TENM1: variants seen among roughly 807,000 people sequenced by gnomAD.
TENM1 encodes the protein teneurin transmembrane protein 1, also known as teneurin-1.
In TENM1, 35 loss-of-function variants were observed where a neutral mutation model predicts 174.8. That is an observed-to-expected ratio of 0.20 (90% confidence interval 0.15 to 0.27). The LOEUF (loss-of-function observed/expected upper bound fraction) is 0.27, where lower values mean the gene tolerates loss of function less well. Among genes scored for constraint, TENM1 ranks in the 10% least tolerant of loss-of-function variants. The pLI is 1.00. For synonymous variants in TENM1, 781 were observed against 798.7 expected (o/e 0.98, Z 0.37); for missense variants, 1,633 against 2,130.1 (o/e 0.77, Z 4.59).
intron 15 of TENM1, among the ~76,000 whole-genome samples, chrX:124,541,396 T>A (rs1240135434): frequency 8.9e-6 from 1 of 112,071 alleles, no homozygotes; most frequent in Non-Finnish European, 1.9e-5. Context: ...TGAGTTCTCA[T>A]GAGGTCTGGC....
rs150716900 is a variant in TENM1 at position 124,906,742 on chromosome X, T to A, written c.218-10501A>T. On this transcript the variant is annotated intron_variant, in intron 1 of 31. Transcript: ENST00000422452. ...ACTACTGAGACATAAAAAGGAATGA[T>A]CTATTAATATAAATAATATAACGAC... is the stretch of plus-strand genomic sequence containing the variant. Among the ~76,000 whole-genome samples, 481 of 112,141 alleles carry A rather than the reference T, an allele frequency of 4.3e-3. 2 individuals are homozygous for A. Among genetic ancestry groups the A allele is most frequent in the African/African-American group, 0.015 (458 of 30,910 alleles).
the TENM1 span, among the ~76,000 whole-genome samples, chrX:125,073,988 T>C: frequency 8.9e-6 from 1 of 112,136 alleles, no homozygotes; most frequent in Admixed American, 9.4e-5. Flanking sequence ...GAAAAAGTCA[T>C]GATCTTATCA....
At chrX:125,204,293 GGCC>G in the TENM1 span, 1 of 113,882 alleles carries the variant, frequency 8.8e-6, no homozygotes, top group Non-Finnish European at 1.9e-5. Context: ...ATGTTGCCGT[GGCC>G]GCCGCCGCCG....
intron 11 of TENM1, among the ~76,000 whole-genome samples, chrX:124,621,531 T>C (rs1391779883): frequency 8.9e-6 from 1 of 112,341 alleles, no homozygotes; most frequent in Admixed American, 9.5e-5. Flanking sequence ...AATTCATTTA[T>C]GTTTCATACA....
the TENM1 span, among the ~76,000 whole-genome samples, chrX:125,124,653 T>C: frequency 8.9e-6 from 1 of 112,444 alleles, no homozygotes; most frequent in African/African-American, 3.2e-5. Context: ...TGCATATGTA[T>C]ATATTTTCAG....
intron 15 of TENM1, among the ~76,000 whole-genome samples, chrX:124,542,241 A>C (rs749240504): frequency 8.9e-6 from 1 of 112,565 alleles, no homozygotes; most frequent in Non-Finnish European, 1.9e-5. Flanking sequence ...ACAATTTGCT[A>C]CATAGCAGTA....
chrX:125,156,290 C>T, the TENM1 span, among the ~76,000 whole-genome samples: 1 of 111,241 alleles, frequency 9.0e-6, no homozygotes, highest in Non-Finnish European at 1.9e-5. Flanking sequence ...TCAGGGGTAC[C>T]TGTGTAGGTT....
At chrX:124,989,064 A>G in the TENM1 span, among the ~76,000 whole-genome samples, 3 of 111,626 alleles carry the variant, frequency 2.7e-5, no homozygotes, top group Admixed American at 2.9e-4. Flanking sequence ...ACCACACAAT[A>G]AGGTGAGCAA....
intron 3 of TENM1, among the ~76,000 whole-genome samples, chrX:124,780,331 T>C (rs1325143487): frequency 8.9e-6 from 1 of 112,326 alleles, no homozygotes; most frequent in East Asian, 2.8e-4. Flanking sequence ...TTTTAAGAAA[T>C]ATAGTTCTGC....
chrX:124,986,412 G>A, the TENM1 span, among the ~76,000 whole-genome samples: 1 of 111,560 alleles, frequency 9.0e-6, no homozygotes, highest in African/African-American at 3.3e-5. Context: ...TAAGGTTTAG[G>A]TAATCATAGA....
chrX:124,711,181 G>A (rs764499403), intron 4 of TENM1, among the ~76,000 whole-genome samples: 3 of 110,844 alleles, frequency 2.7e-5, no homozygotes, highest in African/African-American at 6.6e-5. Context: ...TTACCAAAAG[G>A]AAATGGGCAT....
chrX:124,979,539 A>G, the TENM1 span, among the ~76,000 whole-genome samples: 61 of 111,920 alleles, frequency 5.5e-4, no homozygotes, highest in African/African-American at 1.7e-3. Context: ...GTTAAGTAAA[A>G]TATATTTTTT....
chrX:125,186,004 TC>T, the TENM1 span, among the ~76,000 whole-genome samples: 7 of 111,539 alleles, frequency 6.3e-5, no homozygotes, highest in Non-Finnish European at 1.1e-4. Context: ...CCACATAGAC[TC>T]TCTCAACTGA....
At chrX:124,943,870 T>C (rs2058364906) in intron 1 of TENM1, among the ~76,000 whole-genome samples, 1 of 111,986 alleles carries the variant, frequency 8.9e-6, no homozygotes, top group Non-Finnish European at 1.9e-5. Context: ...AGTCCCTTTG[T>C]CAACTGCCAG....
intron 17 of TENM1, among the ~76,000 whole-genome samples, chrX:124,521,404 T>C (rs1437881079): frequency 8.9e-6 from 1 of 112,156 alleles, no homozygotes; most frequent in East Asian, 2.8e-4. Flanking sequence ...AAATTTTTCT[T>C]ACATATTTCT....
At chrX:124,715,616 T>C (rs1384147867) in intron 4 of TENM1, among the ~76,000 whole-genome samples, 2 of 110,014 alleles carry the variant, frequency 1.8e-5, no homozygotes, top group Non-Finnish European at 3.8e-5. Flanking sequence ...TTTCTTTTTT[T>C]TTCCTTTTCT....
the TENM1 span, among the ~76,000 whole-genome samples, chrX:125,186,577 GA>G: frequency 2.0e-3 from 191 of 93,381 alleles, 1 homozygote; most frequent in East Asian, 0.035. Flanking sequence ...AATGCTGGTT[GA>G]AAAAAAAAAA....
the TENM1 span, among the ~76,000 whole-genome samples, chrX:125,195,759 T>C: frequency 9.0e-6 from 1 of 110,687 alleles, no homozygotes; most frequent in African/African-American, 3.3e-5. Flanking sequence ...CTACCCAAGA[T>C]AACTGAAAGA....
At chrX:125,012,880 G>A in the TENM1 span, among the ~76,000 whole-genome samples, 4 of 111,570 alleles carry the variant, frequency 3.6e-5, no homozygotes, top group Non-Finnish European at 7.5e-5. Flanking sequence ...TGAGTAACAG[G>A]GCATTCTAAC....
Sources: allele counts gnomAD v4.1 joint callset (sites outside exome capture counted in the v4.1 genomes callset), GRCh38; gene constraint gnomAD v4.1.1; transcripts MANE v1.5; gene names NCBI Gene and HGNC (gene_info 2026-07-23, HGNC 2026-07-21).